Variants in PRKAR1B observed in about 807,000 individuals in gnomAD.
PRKAR1B encodes the protein cAMP-dependent protein kinase type I-beta regulatory subunit.
Under a neutral mutation model 46.5 loss-of-function variants are expected in PRKAR1B, and 22 were observed. That is an observed-to-expected ratio of 0.47 (90% CI 0.34 to 0.68). The LOEUF is 0.68. Ranked by LOEUF, PRKAR1B falls within the 30% of genes least tolerant of loss-of-function variation. The probability of loss-of-function intolerance (pLI) is 0.01; values close to 1 mark genes in which losing one functional copy is unlikely to be tolerated. For missense variants in PRKAR1B, 445 were observed against 535.6 expected, an observed-to-expected ratio of 0.83 and a Z score of 1.67; for synonymous variants, 259 against 217.7, an observed-to-expected ratio of 1.19 and a Z score of -1.67.
intron 9 of PRKAR1B, among the ~76,000 whole-genome samples, chr7:571,230 C>T (rs995737509): frequency 1.3e-5 from 2 of 152,050 alleles, no homozygotes; most frequent in African/African-American, 2.4e-5. Flanking sequence ...AGGAGCCTCG[C>T]AGCGCAGGCC....
At chr7:711,622 G>A (rs1453142195) in intron 1 of PRKAR1B, 95 bp from the exon 2 acceptor site, 2 of 1,141,770 alleles carry the variant, frequency 1.8e-6, no homozygotes, top group Non-Finnish European at 2.5e-6. Flanking sequence ...TCTCCCAGGA[G>A]CGTGGAAGAA....
rs991683235 is a variant in PRKAR1B at position 549,554 on chromosome 7, C to G, written c.*876G>C. On this transcript the variant is annotated 3_prime_UTR_variant, in exon 11 of 11. Coordinates refer to ENST00000537384, the MANE Select transcript of PRKAR1B (RefSeq NM_001164760.2). ...CGTCATCACTGCGGGATCCAAGACA[C>G]ATTTAAGGGACAAGTCGGTTGAGCG... 1 of 152,354 alleles carries G rather than the reference C, an allele frequency of 6.6e-6. No homozygotes were observed. The highest frequency in any genetic ancestry group is 1.5e-5 in the Non-Finnish European group (1 of 68,142). The allele number at this position is 152,354 out of a possible 1,614,324, so 9.4% of individuals were successfully genotyped here. A position where few individuals can be genotyped will look rare whatever the true frequency, so the allele number is the denominator to read the frequency against.
chr7:695,818 C>T (rs1779703819), intron 2 of PRKAR1B, among the ~76,000 whole-genome samples: 1 of 152,030 alleles, frequency 6.6e-6, no homozygotes, highest in Non-Finnish European at 1.5e-5. Context: ...TGCCTGCCAC[C>T]ATGCCCGGCT....
chr7:606,659 G>T (rs1782077146), intron 5 of PRKAR1B, among the ~76,000 whole-genome samples: 1 of 151,914 alleles, frequency 6.6e-6, no homozygotes, highest in African/African-American at 2.4e-5. Context: ...TGTTGGCCAG[G>T]CTGGTTTCAA....
chr7:635,441 G>A (rs957436071), intron 4 of PRKAR1B, among the ~76,000 whole-genome samples: 1 of 152,170 alleles, frequency 6.6e-6, no homozygotes, highest in Admixed American at 6.5e-5. Flanking sequence ...CGGAGTGGAC[G>A]GCAACCTGCC....
intron 4 of PRKAR1B, 71 bp downstream of exon 4, chr7:677,158 C>T (rs996578385): frequency 1.0e-5 from 15 of 1,455,942 alleles, no homozygotes; most frequent in Admixed American, 1.7e-5. Flanking sequence ...AGGCAAGTGG[C>T]GGGACCTGCC....
chr7:680,812 T>A, intron 2 of PRKAR1B, 86 bp from the exon 3 acceptor site: 1 of 1,486,914 alleles, frequency 6.7e-7, no homozygotes, highest in Non-Finnish European at 9.2e-7. Context: ...ATCCCAGCAC[T>A]GTGGGAGGAC....
chr7:726,806 G>A lies in PRKAR1B; in HGVS notation c.-23+404C>T. Reference sequence around the variant, plus strand: ...ACGGCTGAGGCGGTGGAGCTGAGCCGCGCCCTGAGCCGCCTGCTGCCGGGG... The same window carrying A: ...ACGGCTGAGGCGGTGGAGCTGAGCCACGCCCTGAGCCGCCTGCTGCCGGGG... On this transcript the variant is annotated intron_variant, in intron 1 of 10. Coordinates refer to ENST00000537384, the MANE Select transcript of PRKAR1B (RefSeq NM_001164760.2). 7.6e-7 allele frequency: 1 copy of A among 1,313,822 alleles called. No individual in the cohort carries two copies. Among genetic ancestry groups the A allele is most frequent in the Non-Finnish European group, 9.7e-7 (1 of 1,035,454 alleles). The allele number at this position is 1,313,822 out of a possible 1,614,324, so 81.4% of individuals were successfully genotyped here.
chr7:620,505 T>C (rs1386514467), intron 4 of PRKAR1B, among the ~76,000 whole-genome samples: 3 of 152,220 alleles, frequency 2.0e-5, no homozygotes, highest in Non-Finnish European at 2.9e-5. Flanking sequence ...CTCTTTTTTT[T>C]CTCTCTTTCT....
chr7:718,036 G>A (rs1018613201), intron 1 of PRKAR1B, among the ~76,000 whole-genome samples: 1 of 152,056 alleles, frequency 6.6e-6, no homozygotes. Context: ...AGAGGACCCC[G>A]TGGCCAGGAG....
At chr7:562,499 A>C (rs1778865097) in intron 9 of PRKAR1B, among the ~76,000 whole-genome samples, 1 of 152,106 alleles carries the variant, frequency 6.6e-6, no homozygotes, top group African/African-American at 2.4e-5. Context: ...GGTCACCAGC[A>C]CTGAGGATTC....
chr7:606,742 C>G (rs947346536), intron 5 of PRKAR1B, among the ~76,000 whole-genome samples: 2 of 151,034 alleles, frequency 1.3e-5, no homozygotes, highest in African/African-American at 2.4e-5. Flanking sequence ...GCCACCGCGC[C>G]CGGCCTCACA....
chr7:581,017 G>A (rs758845288), intron 8 of PRKAR1B, among the ~76,000 whole-genome samples: 10 of 152,196 alleles, frequency 6.6e-5, no homozygotes, highest in African/African-American at 1.7e-4. Context: ...AACAGGGTCC[G>A]TACCAGCTGG....
intron 4 of PRKAR1B, among the ~76,000 whole-genome samples, chr7:657,366 T>C (rs867700796): frequency 1.3e-5 from 2 of 151,972 alleles, no homozygotes; most frequent in East Asian, 1.9e-4. Flanking sequence ...AATGAAGGAA[T>C]TGATGCATGA....
At chr7:703,452 G>A (rs1026449662) in intron 2 of PRKAR1B, among the ~76,000 whole-genome samples, 1 of 151,858 alleles carries the variant, frequency 6.6e-6, no homozygotes, top group African/African-American at 2.4e-5. Flanking sequence ...CGAGACCATC[G>A]ATCTCCTGTG....
At position 617,057 on chromosome 7, in the gene PRKAR1B, G is replaced by A. The variant is rs570627621; in HGVS notation, c.441-9605C>T. ...CGACCAGGCTGGAGTATAATGGCAC[G>A]ATCCCAGCTCACTGCAACCTCCACC... On this transcript the variant is annotated intron_variant, in intron 4 of 10. Transcript: ENST00000537384. Among the ~76,000 whole-genome samples, 252 of 137,592 alleles carry A rather than the reference G, an allele frequency of 1.8e-3. 3 individuals carry two copies. Among genetic ancestry groups the A allele is most frequent in the African/African-American group, 6.3e-3 (235 of 37,034 alleles). 90.3% of individuals were successfully genotyped at this position (137,592 alleles called of 152,430 possible).
intron 9 of PRKAR1B, among the ~76,000 whole-genome samples, chr7:576,320 A>G (rs1779831661): frequency 6.6e-6 from 1 of 152,122 alleles, no homozygotes; most frequent in South Asian, 2.1e-4. Context: ...TGGCCAGAAT[A>G]ATCACTTGGG....
chr7:553,439 C>T lies in PRKAR1B; in HGVS notation c.892-1969G>A, dbSNP rs1583189804. ...GTCTGCCGCAGAAGTGCAGCACCTG[C>T]GTGAGGAATGTCACCATCCCATTTT... On this transcript the variant is annotated intron_variant, in intron 9 of 10. Transcript: ENST00000537384. Among the ~76,000 whole-genome samples, 5 of 152,328 alleles carry T rather than the reference C, an allele frequency of 3.3e-5. No homozygotes were observed. In the East Asian group the frequency reaches 5.8e-4, roughly 18 times the overall value.
In PRKAR1B at chr7:726,669, G is replaced by C. The variant is rs1035731629; in HGVS notation, c.-23+541C>G. 4.2e-6 allele frequency: 5 copies of C among 1,199,250 alleles called. No individual in the cohort carries two copies. The South Asian group carries it at 2.1e-4, about 50-fold the overall frequency. 74.3% of individuals were successfully genotyped at this position (1,199,250 alleles called of 1,614,324 possible). A position where few individuals can be genotyped will look rare whatever the true frequency, so the allele number is the denominator to read the frequency against. On this transcript the variant is annotated intron_variant, in intron 1 of 10. Transcript: ENST00000537384. ...GACCGGAAGTGCTGCCGTAATCTGCGCTGAGAGTCGCGAAAGCGCTGTTCC... is the reference window on the plus strand; with the variant it reads ...GACCGGAAGTGCTGCCGTAATCTGCCCTGAGAGTCGCGAAAGCGCTGTTCC...
Sources: allele counts gnomAD v4.1 joint callset (sites outside exome capture counted in the v4.1 genomes callset), GRCh38; gene constraint gnomAD v4.1.1; transcripts MANE v1.5; gene names NCBI Gene and HGNC (gene_info 2026-07-23, HGNC 2026-07-21).